Variants in COG6 observed in about 807,000 individuals in gnomAD.
The protein encoded by COG6 is component of oligomeric golgi complex 6, also known as conserved oligomeric Golgi complex subunit 6.
A neutral mutation model predicts 88.8 loss-of-function variants in COG6; 74 were observed. The observed-to-expected ratio is 0.83, with a 90% CI of 0.69 to 1.01. The LOEUF (loss-of-function observed/expected upper bound fraction) is 1.01, where lower values mean the gene tolerates loss of function less well. COG6 is among the 50% of genes least tolerant of loss of function. The pLI is 0.00. For synonymous variants in COG6, 286 were observed against 278.7 expected (o/e 1.03, Z -0.26); for missense variants, 800 against 797.9 (o/e 1.00, Z -0.03).
intron 1 of COG6, chr13:39,656,392 G>A (rs933331352): frequency 5.9e-6 from 2 of 338,332 alleles, no homozygotes; most frequent in Admixed American, 3.9e-5. Context: ...ACCTTTGCCC[G>A]TGGCTGAAAT....
At chr13:39,709,894 A>G (rs1878146450) in intron 13 of COG6, among the ~76,000 whole-genome samples, 1 of 152,052 alleles carries the variant, frequency 6.6e-6, no homozygotes, top group African/African-American at 2.4e-5. Flanking sequence ...ATCCATTCCC[A>G]CTGCAGTGAA....
rs746794209 is a variant in COG6, at chr13:39,687,526, C to T, written c.812C>T (p.Thr271Ile). ...AGATATACCTTAGATGAATTTGGAACAGCCAGAAGAAGTACAGTTGTTCGT... is the reference window on the plus strand; with the variant it reads ...AGATATACCTTAGATGAATTTGGAATAGCCAGAAGAAGTACAGTTGTTCGT... ...LYKYTLDEFG[T>I]ARRSTVVRGF... The change falls in exon 9 of 19, where the codon ACA (threonine) becomes ATA (isoleucine). Residue 271 changes from threonine (T) to isoleucine (I), a missense_variant. Thr to Ile is a moderately conservative substitution (Grantham distance 89, BLOSUM62 -1). Transcript: ENST00000455146. 6.2e-7 allele frequency: 1 copy of T among 1,613,224 alleles called. No homozygotes were observed. Among genetic ancestry groups the T allele is most frequent in the Non-Finnish European group, 8.5e-7 (1 of 1,179,508 alleles).
chr13:39,767,061 G>C (rs911168213), intron 18 of COG6, among the ~76,000 whole-genome samples: 6 of 152,078 alleles, frequency 3.9e-5, no homozygotes, highest in Non-Finnish European at 5.9e-5. Flanking sequence ...ACAGGTTAGG[G>C]CTGGGGTATG....
At position 39,677,713 on chromosome 13, in the gene COG6, G is replaced by A; in HGVS notation, c.540+134G>A. On this transcript the variant is annotated intron_variant, in intron 5 of 18. Coordinates refer to ENST00000455146, the MANE Select transcript of COG6 (RefSeq NM_020751.3). ...AATATTTTTATGTTTGGAAATTTAA[G>A]ATGTGTATTTTAATTATATTTTTCA... 4 of 577,564 alleles carry A rather than the reference G, an allele frequency of 6.9e-6. No homozygotes were observed. In the South Asian group the frequency reaches 9.6e-5, roughly 14 times the overall value. 35.8% of individuals were successfully genotyped at this position (577,564 alleles called of 1,614,324 possible).
intron 18 of COG6, among the ~76,000 whole-genome samples, chr13:39,770,356 T>A (rs1489383119): frequency 6.6e-6 from 1 of 152,204 alleles, no homozygotes; most frequent in Non-Finnish European, 1.5e-5. Flanking sequence ...TCCACAGGGC[T>A]TTCACAAAGC....
chr13:39,684,275 G>A (rs1474270459), intron 8 of COG6, among the ~76,000 whole-genome samples: 4 of 28,682 alleles, frequency 1.4e-4, no homozygotes, highest in Non-Finnish European at 2.3e-4. Context: ...TTTTGAGACG[G>A]AGTCTAGCTG....
intron 18 of COG6, among the ~76,000 whole-genome samples, chr13:39,778,767 C>T (rs1300394620): frequency 6.6e-6 from 1 of 152,210 alleles, no homozygotes; most frequent in African/African-American, 2.4e-5. Flanking sequence ...AGGAGGGGAG[C>T]CACTGCCAGG....
chr13:39,704,003 G>T (rs890048544), intron 13 of COG6, among the ~76,000 whole-genome samples: 1 of 151,988 alleles, frequency 6.6e-6, no homozygotes, highest in Non-Finnish European at 1.5e-5. Context: ...CAAAGTGCAG[G>T]AATTACAGGT....
At chr13:39,719,432 C>A in intron 14 of COG6, 65 bp downstream of exon 14, 2 of 1,507,472 alleles carry the variant, frequency 1.3e-6, no homozygotes, top group Non-Finnish European at 1.8e-6. Flanking sequence ...TGTTTCAATT[C>A]TGGAATTTTG....
chr13:39,668,182 CA>C (rs781544222), intron 4 of COG6, among the ~76,000 whole-genome samples: 50 of 152,104 alleles, frequency 3.3e-4, no homozygotes, highest in Non-Finnish European at 6.3e-4. Flanking sequence ...TTTTGGCCTC[CA>C]TCCTCAGAGA....
chr13:39,677,228 C>T (rs1331253876), intron 4 of COG6, among the ~76,000 whole-genome samples: 1 of 151,968 alleles, frequency 6.6e-6, no homozygotes. Flanking sequence ...TGTTCTTTTG[C>T]GTAATGATCA....
Position 39,700,079 on chromosome 13 carries a change from C to CA in COG6, c.1284+468dup, listed in dbSNP as rs1291250613. 2.0e-5 allele frequency among the ~76,000 whole-genome samples: 3 copies of CA among 151,766 alleles called. No individual in the cohort carries two copies. The East Asian group carries it at 5.8e-4, about 29-fold the overall frequency. The stretch of plus-strand genomic sequence containing the variant: ...AAAACAAACAAGGAAAAACATCCCA[C>CA]AAAAAAACAAACAACAAAATCCTCA... On this transcript the variant is annotated intron_variant, in intron 13 of 18. Coordinates refer to ENST00000455146, the MANE Select transcript of COG6 (RefSeq NM_020751.3).
At chr13:39,786,870 C>G (rs1355732825) in intron 18 of COG6, among the ~76,000 whole-genome samples, 1 of 152,114 alleles carries the variant, frequency 6.6e-6, no homozygotes, top group African/African-American at 2.4e-5. Context: ...GAGGAAGAAG[C>G]CTGATCAAAC....
intron 1 of COG6, among the ~76,000 whole-genome samples, chr13:39,658,037 A>T (rs751857112): frequency 1.3e-5 from 2 of 149,830 alleles, no homozygotes; most frequent in African/African-American, 4.9e-5. Flanking sequence ...AGCAAGAAGC[A>T]TATGAATAAT....
chr13:39,682,211 T>C lies in COG6; in HGVS notation c.735T>C (p.Ser245=). 6.2e-7 allele frequency: 1 copy of C among 1,612,830 alleles called. No individual in the cohort carries two copies. Among genetic ancestry groups the C allele is most frequent in the Non-Finnish European group, 8.5e-7 (1 of 1,178,942 alleles). The part of the protein sequence containing the change: ...RTLTQESCDV[S]PVLTQAMEAL... The stretch of plus-strand genomic sequence containing the variant: ...TGACACAAGAATCATGTGACGTATC[T>C]CCAGTATTGACACAGGCAATGGAAG... Residue 245 remains serine (S), a synonymous_variant, in exon 8 of 19, where the codon TCT becomes TCC. Coordinates refer to ENST00000455146, the MANE Select transcript of COG6 (RefSeq NM_020751.3).
At chr13:39,687,352 T>C in intron 8 of COG6, 151 bp from the exon 9 acceptor site, 2 of 717,262 alleles carry the variant, frequency 2.8e-6, no homozygotes, top group Non-Finnish European at 4.8e-6. Flanking sequence ...AAATATTTTT[T>C]TCTTGTTTGA....
chr13:39,746,841 C>T (rs557556796), intron 18 of COG6, among the ~76,000 whole-genome samples: 1 of 152,184 alleles, frequency 6.6e-6, no homozygotes, highest in East Asian at 1.9e-4. Flanking sequence ...TAGAAACATT[C>T]ATTTATATAC....
chr13:39,709,213 G>A (rs1321348057), intron 13 of COG6, among the ~76,000 whole-genome samples: 1 of 152,086 alleles, frequency 6.6e-6, no homozygotes, highest in Non-Finnish European at 1.5e-5. Flanking sequence ...ATATATCCAG[G>A]TCTGCCTAAT....
At chr13:39,762,724 G>T (rs1881054835) in intron 18 of COG6, among the ~76,000 whole-genome samples, 1 of 146,430 alleles carries the variant, frequency 6.8e-6, no homozygotes, top group African/African-American at 2.5e-5. Context: ...TTTTCTTTGA[G>T]TTTTCTCTAT....
Sources: gnomAD v4.1 joint callset for allele counts (sites outside exome capture counted in the v4.1 genomes callset) on GRCh38, gnomAD v4.1.1 for gene constraint, MANE v1.5 for transcripts, NCBI Gene and HGNC (gene_info 2026-07-23, HGNC 2026-07-21) for gene names.